FER1L6: variants seen among roughly 807,000 people sequenced by gnomAD.
The protein encoded by FER1L6 is fer-1-like protein 6.
A neutral mutation model predicts 219.2 loss-of-function variants in FER1L6; 177 were observed. That is an observed-to-expected ratio of 0.81 (90% confidence interval 0.71 to 0.91). The LOEUF (loss-of-function observed/expected upper bound fraction) is 0.91. Among genes scored for constraint, FER1L6 ranks in the 40% least tolerant of loss-of-function variants. The probability of loss-of-function intolerance (pLI) is 0.00; values close to 1 mark genes in which losing one functional copy is unlikely to be tolerated. For synonymous variants in FER1L6, 768 were observed against 824.3 expected, an observed-to-expected ratio of 0.93 and a Z score of 1.17; for missense variants, 2,153 against 2,259.9, an observed-to-expected ratio of 0.95 and a Z score of 0.96.
chr8:124,082,504 GTAGCCTT>G, intron 33 of FER1L6, 46 bp downstream of exon 33: 1 of 1,569,970 alleles, frequency 6.4e-7, no homozygotes, highest in Non-Finnish European at 8.7e-7. Context: ...TGAAGCTGTT[GTAGCCTT>G]TAGGGCTCCA....
At chr8:124,019,961 A>C (rs1275679326) in intron 16 of FER1L6, among the ~76,000 whole-genome samples, 2 of 152,156 alleles carry the variant, frequency 1.3e-5, no homozygotes, top group African/African-American at 4.8e-5. Context: ...AGGAAACACC[A>C]GGCATACCAG....
intron 1 of FER1L6, among the ~76,000 whole-genome samples, chr8:123,884,101 C>G (rs1404635490): frequency 6.6e-6 from 1 of 152,198 alleles, no homozygotes; most frequent in Non-Finnish European, 1.5e-5. Context: ...GCTGTGTGCA[C>G]TACAAATCAC....
chr8:123,947,568 C>A (rs185606959), intron 1 of FER1L6, among the ~76,000 whole-genome samples: 6 of 152,294 alleles, frequency 3.9e-5, no homozygotes, highest in Admixed American at 3.3e-4. Context: ...TATCTATAGA[C>A]TCCATCTGTC....
intron 1 of FER1L6, among the ~76,000 whole-genome samples, chr8:123,856,312 A>T (rs9772837): frequency 1.9e-5 from 1 of 52,794 alleles, no homozygotes; most frequent in Non-Finnish European, 3.9e-5. Context: ...ATATATATGT[A>T]TGTGTATATA....
At chr8:124,040,102 A>G in intron 20 of FER1L6, 96 bp downstream of exon 20, 1 of 1,494,160 alleles carries the variant, frequency 6.7e-7, no homozygotes, top group Non-Finnish European at 9.2e-7. Flanking sequence ...CATGTTGCAA[A>G]TACCTGCATC....
chr8:124,019,163 T>C (rs896264081), intron 16 of FER1L6, among the ~76,000 whole-genome samples: 18 of 152,226 alleles, frequency 1.2e-4, no homozygotes, highest in Admixed American at 1.2e-3. Flanking sequence ...TTGGGCTATT[T>C]ACTATCTGGT....
intron 13 of FER1L6, among the ~76,000 whole-genome samples, chr8:124,009,937 C>T (rs891451958): frequency 6.6e-6 from 1 of 151,068 alleles, no homozygotes; most frequent in African/African-American, 2.4e-5. Flanking sequence ...GTTTGAGGGT[C>T]GTGGAACTGC....
chr8:123,970,182 T>G, intron 6 of FER1L6, 85 bp downstream of exon 6: 2 of 1,216,852 alleles, frequency 1.6e-6, no homozygotes, highest in Non-Finnish European at 1.2e-6. Flanking sequence ...CTCAGCATAC[T>G]TAGCGGGGAA....
chr8:123,875,483 T>C (rs2130284976), intron 1 of FER1L6, among the ~76,000 whole-genome samples: 1 of 152,336 alleles, frequency 6.6e-6, no homozygotes, highest in East Asian at 1.9e-4. Context: ...TGCCTTCTTC[T>C]TCTTCTAAAT....
intron 5 of FER1L6, among the ~76,000 whole-genome samples, chr8:123,967,676 G>T (rs1815615791): frequency 6.6e-6 from 1 of 152,094 alleles, no homozygotes. Context: ...TTATTATCTT[G>T]GCCAGATGCA....
At chr8:123,956,099 C>T (rs1324620618) in intron 2 of FER1L6, 25 bp downstream of exon 2, 3 of 1,593,524 alleles carry the variant, frequency 1.9e-6, no homozygotes, top group Middle Eastern at 1.8e-4. Context: ...GGGGTGCTGA[C>T]CATTGGGGCC....
chr8:124,002,355 G>A (rs1817449799), intron 12 of FER1L6, among the ~76,000 whole-genome samples: 1 of 152,164 alleles, frequency 6.6e-6, no homozygotes, highest in African/African-American at 2.4e-5. Flanking sequence ...GAGAGGAAAG[G>A]CAGGGGTCAG....
rs1816579276 is a variant in FER1L6, at chr8:123,853,988, T to C, written c.-8+1803T>C. ...CTCAGGGAAGCATCAGGGACCGTGA[T>C]TAGAAAGTTTACGTCTGAGTGCTGG... is the stretch of plus-strand genomic sequence containing the variant. On this transcript the variant is annotated intron_variant, in intron 1 of 40. Transcript: ENST00000522917. This position sits in a 1 kb window ranked among gnomAD's most constrained non-coding sequence, Gnocchi z 6.6. Among the ~76,000 whole-genome samples, 1 of 152,122 alleles carries C rather than the reference T, an allele frequency of 6.6e-6. No homozygotes were observed. Among genetic ancestry groups the C allele is most frequent in the Non-Finnish European group, 1.5e-5 (1 of 68,018 alleles).
Position 124,060,349 on chromosome 8 carries a change from T to C in FER1L6, c.2985+59T>C, listed in dbSNP as rs1036209998. ...GGCACTCAAGGGCAGTGGCCCCACC[T>C]GAATTGTAGGAGAGGTGATATGGAA... On this transcript the variant is annotated intron_variant, in intron 23 of 40. Coordinates refer to ENST00000522917, the MANE Select transcript of FER1L6 (RefSeq NM_001039112.2). The C allele has an allele frequency of 3.3e-6, 5 of 1,534,610 alleles. No individual in the cohort carries two copies. In the African/African-American group the frequency reaches 6.8e-5, roughly 21 times the overall value.
chr8:124,032,023 G>A (rs768859393), intron 18 of FER1L6, among the ~76,000 whole-genome samples: 1 of 152,200 alleles, frequency 6.6e-6, no homozygotes, highest in Non-Finnish European at 1.5e-5. Flanking sequence ...ACTTTCACAA[G>A]ACATTAGCTG....
At chr8:124,022,788 G>C (rs895316934) in intron 17 of FER1L6, among the ~76,000 whole-genome samples, 3 of 150,458 alleles carry the variant, frequency 2.0e-5, no homozygotes, top group Non-Finnish European at 4.4e-5. Context: ...AAAATCCATG[G>C]GAAGTTGTGC....
intron 1 of FER1L6, among the ~76,000 whole-genome samples, chr8:123,911,113 A>G (rs1813041066): frequency 6.6e-6 from 1 of 152,146 alleles, no homozygotes; most frequent in Admixed American, 6.5e-5. Flanking sequence ...TTCCTCATAT[A>G]CTTAACTATA....
At chr8:123,985,211 A>G (rs1780408863) in intron 11 of FER1L6, 1 of 152,166 alleles carries the variant, frequency 6.6e-6, no homozygotes, top group African/African-American at 2.4e-5. Context: ...GCTGCTTAGT[A>G]TCTCTGAGCA....
At chr8:124,081,929 T>C (rs1232295495) in intron 32 of FER1L6, among the ~76,000 whole-genome samples, 2 of 152,220 alleles carry the variant, frequency 1.3e-5, no homozygotes, top group Non-Finnish European at 2.9e-5. Context: ...ATTAAATAAC[T>C]TTCCCAAAGT....
Sources: gnomAD v4.1 joint callset for allele counts (sites outside exome capture counted in the v4.1 genomes callset) on GRCh38, gnomAD v4.1.1 for gene constraint, Gnocchi (gnomAD v3.1) non-coding constraint, MANE v1.5 for transcripts, NCBI Gene and HGNC (gene_info 2026-07-23, HGNC 2026-07-21) for gene names.